The following JPH1 variants were observed in gnomAD, a reference collection of about 807,000 sequenced individuals.
JPH1 encodes junctophilin 1, also known as junctophilin-1.
A neutral mutation model predicts 53.6 loss-of-function variants in JPH1; 12 were observed. The observed-to-expected ratio is 0.22, with a 90% CI of 0.14 to 0.36. The LOEUF (loss-of-function observed/expected upper bound fraction) is 0.36. Ranked by LOEUF, JPH1 falls within the 10% of genes least tolerant of loss-of-function variation. JPH1 has a pLI of 1.00. For synonymous variants in JPH1, 375 were observed against 363.8 expected (o/e 1.03, Z -0.35); for missense variants, 808 against 905.5 (o/e 0.89, Z 1.38).
At chr8:74,243,202 T>C (rs1002953353) in intron 4 of JPH1, among the ~76,000 whole-genome samples, 2 of 152,252 alleles carry the variant, frequency 1.3e-5, no homozygotes, top group Non-Finnish European at 2.9e-5. Flanking sequence ...AAGTAAGCTA[T>C]TACATTTAAC....
chr8:74,274,062 G>A (rs139288107), intron 2 of JPH1, among the ~76,000 whole-genome samples: 1 of 152,152 alleles, frequency 6.6e-6, no homozygotes, highest in Non-Finnish European at 1.5e-5. Flanking sequence ...CCTGCTCTGC[G>A]AAGAAACACG....
chr8:74,259,070 A>T (rs1362228982), intron 3 of JPH1, among the ~76,000 whole-genome samples: 1 of 152,204 alleles, frequency 6.6e-6, no homozygotes, highest in Non-Finnish European at 1.5e-5. Context: ...ATACTATAAA[A>T]TTACCTCCAG....
At position 74,320,234 on chromosome 8, in the gene JPH1, T is replaced by C. The variant is rs1486156522; in HGVS notation, c.379+675A>G. On this transcript the variant is annotated intron_variant, in intron 1 of 5. Transcript: ENST00000342232. This position sits in a 1 kb window ranked among gnomAD's most constrained non-coding sequence, Gnocchi z 4.4. ...AAGACTGCTACTCTTTTAAGACCAATACTTTAAGAAACGGAATGAAAACTA... is the reference window on the plus strand; with the variant it reads ...AAGACTGCTACTCTTTTAAGACCAACACTTTAAGAAACGGAATGAAAACTA... Among the ~76,000 whole-genome samples the C allele has an allele frequency of 1.3e-5, 2 of 152,200 alleles. No homozygotes were observed. Among genetic ancestry groups the C allele is most frequent in the Non-Finnish European group, 2.9e-5 (2 of 68,032 alleles).
chr8:74,250,472 C>A (rs529913699), intron 3 of JPH1, among the ~76,000 whole-genome samples: 2 of 152,220 alleles, frequency 1.3e-5, no homozygotes, highest in Non-Finnish European at 2.9e-5. Context: ...AGCCACAAAT[C>A]TAGTCTCCCA....
At chr8:74,252,900 T>G (rs528653017) in intron 3 of JPH1, among the ~76,000 whole-genome samples, 2,126 of 151,990 alleles carry the variant, frequency 0.014, 66 homozygotes, top group African/African-American at 0.048. Flanking sequence ...AGCAAGTCCT[T>G]AGTGACCTAG....
intron 2 of JPH1, among the ~76,000 whole-genome samples, chr8:74,312,693 C>T (rs1808032486): frequency 6.6e-6 from 1 of 152,128 alleles, no homozygotes; most frequent in African/African-American, 2.4e-5. Context: ...ACCCTACAGT[C>T]CCTGGCGACC....
rs149604640 is a variant in JPH1 at position 74,298,633 on chromosome 8, C to T, written c.1139+16228G>A. Among the ~76,000 whole-genome samples, 926 of 152,248 alleles carry T rather than the reference C, an allele frequency of 6.1e-3. 29 individuals carry two copies. The highest frequency in any genetic ancestry group is 0.051 in the Admixed American group (779 of 15,290). On this transcript the variant is annotated intron_variant, in intron 2 of 5. Coordinates refer to ENST00000342232, the MANE Select transcript of JPH1 (RefSeq NM_020647.4). The stretch of plus-strand genomic sequence containing the variant: ...CTTGCCATGACTCAGCTGTACTCGA[C>T]GGCACTGCAACGCAAAATCCAGGTG...
At chr8:74,256,591 T>C (rs1180589827) in intron 3 of JPH1, among the ~76,000 whole-genome samples, 2 of 148,388 alleles carry the variant, frequency 1.3e-5, no homozygotes, top group African/African-American at 2.5e-5. Context: ...CATCAACAAG[T>C]GGGCGAAGGA....
In JPH1 at chr8:74,315,529, T is replaced by G; in HGVS notation, c.471A>C (p.Ser157=). The change falls in exon 2 of 6, where the codon TCA becomes TCC. Residue 157 remains serine (S), a synonymous_variant. Coordinates refer to ENST00000342232, the MANE Select transcript of JPH1 (RefSeq NM_020647.4). This position sits in a 1 kb window ranked among gnomAD's most constrained non-coding sequence, Gnocchi z 6.3. The part of the protein sequence containing the change: ...VPYGMATVIR[S]PLRTSLASLR... ...GCGAGGCCAGCGAGGTACGCAGCGG[T>G]GAGCGGATCACCGTGGCCATGCCGT... The G allele has an allele frequency of 1.2e-6, 2 of 1,606,278 alleles. No individual in the cohort carries two copies. Among genetic ancestry groups the G allele is most frequent in the South Asian group, 2.2e-5 (2 of 90,792 alleles).
chr8:74,297,111 G>A (rs1367957273), intron 2 of JPH1, among the ~76,000 whole-genome samples: 1 of 152,210 alleles, frequency 6.6e-6, no homozygotes, highest in Non-Finnish European at 1.5e-5. Flanking sequence ...GACTACAGCA[G>A]AACATTCATA....
rs190513703 is a variant in JPH1 at position 74,242,789 on chromosome 8, G to A, written c.1905+1740C>T. Among the ~76,000 whole-genome samples the A allele has an allele frequency of 9.1e-4, 139 of 152,230 alleles. 1 individual carries two copies. Among genetic ancestry groups the A allele is most frequent in the African/African-American group, 3.3e-3 (137 of 41,566 alleles). ...CTTCCCTTCCCCCTTGGGGTGTAGA[G>A]GGGTACCCTAAGGACCAACTACTGA... On this transcript the variant is annotated intron_variant, in intron 4 of 5. Coordinates refer to ENST00000342232, the MANE Select transcript of JPH1 (RefSeq NM_020647.4).
chr8:74,259,973 T>C (rs1250084584), intron 2 of JPH1, among the ~76,000 whole-genome samples: 2 of 152,188 alleles, frequency 1.3e-5, no homozygotes, highest in Non-Finnish European at 2.9e-5. Context: ...AGAAAAAAAT[T>C]AGTGAAATGG....
intron 2 of JPH1, among the ~76,000 whole-genome samples, chr8:74,305,016 G>A (rs1807792607): frequency 1.3e-5 from 2 of 152,164 alleles, no homozygotes; most frequent in South Asian, 4.1e-4. Context: ...AAAACAGAAA[G>A]GTGAAATTAT....
chr8:74,277,190 A>C (rs1169851263), intron 2 of JPH1, among the ~76,000 whole-genome samples: 1 of 152,110 alleles, frequency 6.6e-6, no homozygotes, highest in Non-Finnish European at 1.5e-5. Context: ...CTGCCTGCAA[A>C]GCCACCCTGA....
chr8:74,280,326 C>T (rs2131418339), intron 2 of JPH1, among the ~76,000 whole-genome samples: 1 of 152,304 alleles, frequency 6.6e-6, no homozygotes, highest in South Asian at 2.1e-4. Flanking sequence ...GGTATCACCT[C>T]CTCAGCTGTG....
Position 74,244,554 on chromosome 8 carries a change from G to A in JPH1, c.1880C>T (p.Pro627Leu). The A allele has an allele frequency of 6.2e-7, 1 of 1,609,988 alleles. No individual in the cohort carries two copies. The highest frequency in any genetic ancestry group is 8.5e-7 in the Non-Finnish European group (1 of 1,178,604). The change falls in exon 4 of 6, where the codon CCT becomes CTT. Residue 627 changes from proline to leucine, a missense_variant. By Grantham distance (98) the Pro-to-Leu change is moderately conservative (BLOSUM62 -3). Transcript: ENST00000342232. ...TGAATTGGCTTCTTTTTCCAAAGCA[G>A]GGCATGAATCGTTGCTTGCTGGATT... ...PKNPASNDSC[P>L]ALEKEANSGP...
At chr8:74,309,916 T>G (rs896529549) in intron 2 of JPH1, among the ~76,000 whole-genome samples, 2 of 152,256 alleles carry the variant, frequency 1.3e-5, no homozygotes, top group Non-Finnish European at 2.9e-5. Context: ...AAACAGATTC[T>G]GCTTATTATA....
At chr8:74,294,900 G>A in intron 2 of JPH1, among the ~76,000 whole-genome samples, 1 of 152,212 alleles carries the variant, frequency 6.6e-6, no homozygotes, top group East Asian at 1.9e-4. Context: ...TGATGAGGGA[G>A]CCTGAGACGT....
chr8:74,272,770 A>T (rs980944694), intron 2 of JPH1, among the ~76,000 whole-genome samples: 1 of 151,182 alleles, frequency 6.6e-6, no homozygotes, highest in Admixed American at 6.6e-5. Context: ...TGCCCGGCTA[A>T]TTTTTTTTTA....
Sources: allele counts gnomAD v4.1 joint callset (sites outside exome capture counted in the v4.1 genomes callset), GRCh38; gene constraint gnomAD v4.1.1; non-coding constraint Gnocchi (gnomAD v3.1); transcripts MANE v1.5; gene names NCBI Gene and HGNC (gene_info 2026-07-23, HGNC 2026-07-21).